STARD9: variants seen among roughly 807,000 people sequenced by gnomAD.
The protein encoded by STARD9 is StAR related lipid transfer domain containing 9.
A neutral mutation model predicts 399.8 loss-of-function variants in STARD9; 346 were observed. That is an observed-to-expected ratio of 0.87 (90% CI 0.79 to 0.95). STARD9 has a LOEUF of 0.95. STARD9 is among the 40% of genes least tolerant of loss of function. The pLI, the probability that STARD9 is intolerant of heterozygous loss-of-function variation, is 0.00. For synonymous variants in STARD9, 2,203 were observed against 2,143.5 expected (o/e 1.03, Z -0.77); for missense variants, 5,832 against 5,667.5 (o/e 1.03, Z -0.93).
chr15:42,584,515 C>T (rs1054323500), intron 2 of STARD9, among the ~76,000 whole-genome samples: 1 of 152,200 alleles, frequency 6.6e-6, no homozygotes, highest in African/African-American at 2.4e-5. Flanking sequence ...GTCAGTTATC[C>T]AGGAAGAATC....
chr15:42,712,570 A>G (rs1414758720), intron 26 of STARD9, among the ~76,000 whole-genome samples: 1 of 152,158 alleles, frequency 6.6e-6, no homozygotes, highest in Non-Finnish European at 1.5e-5. Context: ...TGTTTAAAAG[A>G]TTATTATTTC....
chr15:42,612,370 G>A (rs2058868720), intron 3 of STARD9, among the ~76,000 whole-genome samples: 1 of 152,078 alleles, frequency 6.6e-6, no homozygotes, highest in Admixed American at 6.5e-5. Context: ...GCTTACCTTT[G>A]CTTGGAAATC....
rs375450076 is a variant in STARD9, at chr15:42,638,387, A to C, written c.446+300A>C. 1.8e-4 allele frequency among the ~76,000 whole-genome samples: 27 copies of C among 152,234 alleles called. 2 individuals are homozygous for C. The South Asian group carries it at 5.2e-3, about 29-fold the overall frequency. ...AATAGAGCTCAACGGTCATGTTTGA[A>C]ATTCACTCAAGAAACAACCTCTGTG... On this transcript the variant is annotated intron_variant, in intron 6 of 32. Transcript: ENST00000290607.
intron 3 of STARD9, among the ~76,000 whole-genome samples, chr15:42,590,501 T>C (rs571406351): frequency 6.6e-6 from 1 of 152,132 alleles, no homozygotes; most frequent in Non-Finnish European, 1.5e-5. Flanking sequence ...TTTAGGGGGA[T>C]TTAGAGCAGC....
At chr15:42,606,519 G>C (rs1340868548) in intron 3 of STARD9, among the ~76,000 whole-genome samples, 1 of 151,962 alleles carries the variant, frequency 6.6e-6, no homozygotes, top group Non-Finnish European at 1.5e-5. Context: ...GCAGTGGTGT[G>C]ATCTCAGGTC....
intron 3 of STARD9, among the ~76,000 whole-genome samples, chr15:42,613,472 A>T (rs1487971919): frequency 6.6e-6 from 1 of 152,212 alleles, no homozygotes; most frequent in Admixed American, 6.5e-5. Flanking sequence ...TATTTCCCAG[A>T]TTCATAATTT....
Position 42,665,273 on chromosome 15 carries a change from T to C in STARD9, c.1197T>C (p.Ile399=), listed in dbSNP as rs749833269. 2 of 1,537,036 alleles carry C rather than the reference T, an allele frequency of 1.3e-6. No homozygotes were observed. ...TTCAGGATGCAAACTTAAAACTGATTAGAGAACTCAGAGAAGAGATTGAAA... is the reference window on the plus strand; with the variant it reads ...TTCAGGATGCAAACTTAAAACTGATCAGAGAACTCAGAGAAGAGATTGAAA... ...RVNEDANLKL[I]RELREEIERL... Residue 399 remains isoleucine (I), a synonymous_variant, in exon 14 of 33, where the codon ATT becomes ATC. Transcript: ENST00000290607.
chr15:42,684,577 A>C lies in STARD9; in HGVS notation c.2999A>C (p.Lys1000Thr). 1 of 1,537,230 alleles carries C rather than the reference A, an allele frequency of 6.5e-7. No homozygotes were observed. Reference protein sequence around the residue: ...WRKEGNLGTHKAAKGASCNSL... With the variant: ...WRKEGNLGTHTAAKGASCNSL... Reference sequence around the variant, plus strand: ...AAAGAAGGGAACCTTGGGACCCACAAGGCTGCTAAGGGAGCCAGTTGCAAT... The same window carrying C: ...AAAGAAGGGAACCTTGGGACCCACACGGCTGCTAAGGGAGCCAGTTGCAAT... The change falls in exon 23 of 33, where the codon AAG (lysine) becomes ACG (threonine). Residue 1000 changes from lysine to threonine, a missense_variant. By Grantham distance (78) the Lys-to-Thr change is moderately conservative (BLOSUM62 -1). Around this residue, in one of 2 missense-constraint regions of STARD9, gnomAD observed 5,828 missense variants for 5,651.1 expected, o/e 1.03. Transcript: ENST00000290607.
intron 9 of STARD9, among the ~76,000 whole-genome samples, chr15:42,653,337 G>T (rs2059801989): frequency 6.6e-6 from 1 of 152,052 alleles, no homozygotes; most frequent in African/African-American, 2.4e-5. Flanking sequence ...TAGATTAAAG[G>T]AATGTAACAA....
rs1390506612 is a variant in STARD9 at position 42,692,504 on chromosome 15, A to G, written c.10926A>G (p.Thr3642=). 1 of 1,537,182 alleles carries G rather than the reference A, an allele frequency of 6.5e-7. No homozygotes were observed. The highest frequency in any genetic ancestry group is 8.7e-7 in the Non-Finnish European group (1 of 1,146,912). Reference sequence around the variant, plus strand: ...GGACGAACACATTCGAACAGGGCACACAGACCCTCGGCAGCAGGCGCCACT... The same window carrying G: ...GGACGAACACATTCGAACAGGGCACGCAGACCCTCGGCAGCAGGCGCCACT... ...QTRTNTFEQG[T]QTLGSRRHWS... Residue 3642 remains threonine, a synonymous_variant, in exon 23 of 33, where the codon ACA becomes ACG. Transcript: ENST00000290607.
chr15:42,620,215 G>A (rs2059059288), intron 3 of STARD9, among the ~76,000 whole-genome samples: 1 of 152,124 alleles, frequency 6.6e-6, no homozygotes. Flanking sequence ...GCCAACTTGA[G>A]CATTGCAACC....
At chr15:42,641,845 C>G (rs1007698875) in intron 7 of STARD9, among the ~76,000 whole-genome samples, 1 of 151,796 alleles carries the variant, frequency 6.6e-6, no homozygotes, top group African/African-American at 2.4e-5. Context: ...CCTAGGTGAT[C>G]CACCTGCCTC....
rs188650242 is a variant in STARD9 at position 42,630,714 on chromosome 15, A to G, written c.235-4142A>G. ...TTTCTAGGTTTTCCAATTTATTGGT[A>G]TATAGTCATAGTAGTCTCTAATGGG... is the stretch of plus-strand genomic sequence containing the variant. On this transcript the variant is annotated intron_variant, in intron 3 of 32. Transcript: ENST00000290607. 3.0e-3 allele frequency among the ~76,000 whole-genome samples: 452 copies of G among 152,234 alleles called. 3 individuals are homozygous for G. Among genetic ancestry groups the G allele is most frequent in the African/African-American group, 0.011 (437 of 41,572 alleles).
intron 16 of STARD9, chr15:42,672,177 A>G (rs1368396544): frequency 6.6e-6 from 1 of 152,276 alleles, no homozygotes; most frequent in Non-Finnish European, 1.5e-5. Flanking sequence ...GTTTGTCACT[A>G]AGTTGGTTAC....
chr15:42,682,751 A>G (rs1356513632), intron 22 of STARD9, among the ~76,000 whole-genome samples, 176 bp downstream of exon 22: 1 of 152,042 alleles, frequency 6.6e-6, no homozygotes, highest in African/African-American at 2.4e-5. Context: ...CTTTCTGTGT[A>G]TATCGTTTTA....
chr15:42,706,299 G>A (rs1023008400), intron 26 of STARD9, among the ~76,000 whole-genome samples: 45 of 152,130 alleles, frequency 3.0e-4, no homozygotes, highest in African/African-American at 1.1e-3. Context: ...TGTTACTCTT[G>A]TAAATAGGTT....
chr15:42,586,343 C>T (rs2058276904), intron 3 of STARD9, among the ~76,000 whole-genome samples: 1 of 152,212 alleles, frequency 6.6e-6, no homozygotes, highest in African/African-American at 2.4e-5. Context: ...GCTGTTTGAG[C>T]AGCCAAGGCT....
In STARD9 at chr15:42,694,556, A is replaced by T. The variant is rs1166754666; in HGVS notation, c.12793A>T (p.Arg4265Ter). Reference protein sequence around the residue: ...RQKKAIETLRRERAERLGNFC... With the variant: ...RQKKAIETLR The stretch of plus-strand genomic sequence containing the variant: ...AAAAAAGGCCATTGAGACCCTCAGG[A>T]GAGAGCGGGCTGAGCGACTTGGGAA... Residue 4265 changes from arginine to a stop codon, truncating the protein, a stop_gained, in exon 24 of 33, where the codon AGA becomes TGA. Coordinates refer to ENST00000290607, the MANE Select transcript of STARD9 (RefSeq NM_020759.3). LOFTEE classifies it high-confidence loss of function. The T allele has an allele frequency of 6.5e-7, 1 of 1,537,176 alleles. No homozygotes were observed. Among genetic ancestry groups the T allele is most frequent in the Non-Finnish European group, 8.7e-7 (1 of 1,146,900 alleles).
chr15:42,600,228 A>G (rs1311453018), intron 3 of STARD9, among the ~76,000 whole-genome samples: 1 of 152,164 alleles, frequency 6.6e-6, no homozygotes, highest in Non-Finnish European at 1.5e-5. Flanking sequence ...AGCGTACTGG[A>G]TACTTAGTTG....
Sources: gnomAD v4.1 joint callset for allele counts (sites outside exome capture counted in the v4.1 genomes callset) on GRCh38, gnomAD v4.1.1 for gene constraint, gnomAD v4.1.1 regional missense constraint, MANE v1.5 for transcripts, NCBI Gene and HGNC (gene_info 2026-07-23, HGNC 2026-07-21) for gene names.